Variants in RIMBP2 observed in about 807,000 individuals in gnomAD.
The protein encoded by RIMBP2 is RIMS-binding protein 2.
Under a neutral mutation model 118.6 loss-of-function variants are expected in RIMBP2, and 48 were observed. The ratio of observed to expected loss-of-function variants is 0.40; its 90% CI spans 0.32 to 0.51. The LOEUF (loss-of-function observed/expected upper bound fraction) is 0.51, where lower values mean the gene tolerates loss of function less well. RIMBP2 is among the 20% of genes least tolerant of loss of function. RIMBP2 has a pLI of 0.41. For missense variants in RIMBP2, 1,551 were observed against 1,768.3 expected (o/e 0.88, Z 2.20); for synonymous variants, 762 against 742.9 (o/e 1.03, Z -0.42).
chr12:130,616,380 T>C (rs2060935727), intron 2 of RIMBP2, among the ~76,000 whole-genome samples: 1 of 152,040 alleles, frequency 6.6e-6, no homozygotes, highest in African/African-American at 2.4e-5. Flanking sequence ...CCTCCTCTCA[T>C]CTTCTCTGAC....
chr12:130,471,172 C>A (rs1042056555), intron 5 of RIMBP2, among the ~76,000 whole-genome samples: 1 of 152,252 alleles, frequency 6.6e-6, no homozygotes, highest in Non-Finnish European at 1.5e-5. Flanking sequence ...CCTGAGCATG[C>A]AACAGGCCTT....
chr12:130,669,750 T>C (rs1364699972), intron 1 of RIMBP2, among the ~76,000 whole-genome samples: 2 of 152,164 alleles, frequency 1.3e-5, no homozygotes, highest in Non-Finnish European at 2.9e-5. Flanking sequence ...GCAGGAGCTC[T>C]TTCCTAGTGC....
intron 14 of RIMBP2, chr12:130,430,125 C>G (rs144896478): frequency 6.6e-6 from 1 of 152,406 alleles, no homozygotes; most frequent in East Asian, 1.9e-4. Context: ...AGTGAGATGT[C>G]TAGTGACTGG....
rs2074077467 is a variant in RIMBP2 at position 130,396,376 on chromosome 12, A to G, written c.*985T>C. 6.5e-6 allele frequency: 1 copy of G among 152,690 alleles called. No individual in the cohort carries two copies. The highest frequency in any genetic ancestry group is 1.5e-5 in the Non-Finnish European group (1 of 68,048). The allele number at this position is 152,690 out of a possible 1,614,324, so 9.5% of individuals were successfully genotyped here. On this transcript the variant is annotated 3_prime_UTR_variant, in exon 23 of 23. Coordinates refer to ENST00000690449, the MANE Select transcript of RIMBP2 (RefSeq NM_001393629.1). ...TGAAAAGTATGTATAAAGAGTAAAA[A>G]CAATTTACAAGTGGACAAGAATTAC...
In RIMBP2 at chr12:130,437,087, T is replaced by C; in HGVS notation, c.1861A>G (p.Ser621Gly). 6.3e-7 allele frequency: 1 copy of C among 1,576,900 alleles called. No individual in the cohort carries two copies. The highest frequency in any genetic ancestry group is 8.6e-7 in the Non-Finnish European group (1 of 1,159,684). ...RPAPQSKPLA[S>G]SGVPETKDEH... ...TCTTTGGTTTCGGGGACTCCAGAACTTGCTAATGGCTTTGATTGGGGTGCA... is the reference window on the plus strand; with the variant it reads ...TCTTTGGTTTCGGGGACTCCAGAACCTGCTAATGGCTTTGATTGGGGTGCA... Residue 621 changes from serine to glycine, a missense_variant, in exon 13 of 23, where the codon AGT becomes GGT. By Grantham distance (56) the Ser-to-Gly change is moderately conservative (BLOSUM62 0). Transcript: ENST00000690449.
rs1272034982 is a variant in RIMBP2 at position 130,469,417 on chromosome 12, A to T, written c.153+1276T>A. ...TCAATGGGCTCCGGGGCAACTGGGG[A>T]GAGGCAACTACCTTTTCTGCCAGGA... On this transcript the variant is annotated intron_variant, in intron 6 of 22. Transcript: ENST00000690449. This position sits in a 1 kb window ranked among gnomAD's most constrained non-coding sequence, Gnocchi z 4.8. Among the ~76,000 whole-genome samples, 1 of 152,172 alleles carries T rather than the reference A, an allele frequency of 6.6e-6. No homozygotes were observed. Among genetic ancestry groups the T allele is most frequent in the Admixed American group, 6.5e-5 (1 of 15,276 alleles).
intron 1 of RIMBP2, among the ~76,000 whole-genome samples, chr12:130,633,112 G>A (rs2062106705): frequency 1.3e-5 from 2 of 152,206 alleles, no homozygotes; most frequent in South Asian, 2.1e-4. Context: ...CAGGTCTTAA[G>A]CCAGAGTCAG....
rs7484908 is a variant in RIMBP2, at chr12:130,664,423, A to G, written c.-351-35967T>C. Among the ~76,000 whole-genome samples, 78 of 88,974 alleles carry G rather than the reference A, an allele frequency of 8.8e-4. 4 individuals are homozygous for G. Among genetic ancestry groups the G allele is most frequent in the South Asian group, 8.4e-3 (23 of 2,730 alleles). The allele number at this position is 88,974 out of a possible 152,430, so 58.4% of individuals were successfully genotyped here. A position where few individuals can be genotyped will look rare whatever the true frequency, so the allele number is the denominator to read the frequency against. On this transcript the variant is annotated intron_variant, in intron 1 of 22. Transcript: ENST00000690449. Reference sequence around the variant, plus strand: ...CGCACGCACGCACGCACACACACGCACACACATGCATGCACGCACACACGC... The same window carrying G: ...CGCACGCACGCACGCACACACACGCGCACACATGCATGCACGCACACACGC...
intron 19 of RIMBP2, among the ~76,000 whole-genome samples, chr12:130,409,755 T>C (rs958877856): frequency 6.6e-6 from 1 of 152,182 alleles, no homozygotes; most frequent in Non-Finnish European, 1.5e-5. Context: ...TAGGCCCCAT[T>C]GTGTGGGGCG....
chr12:130,556,656 A>G lies in RIMBP2; in HGVS notation c.-216-38739T>C, dbSNP rs557415943. Among the ~76,000 whole-genome samples, 24 of 152,338 alleles carry G rather than the reference A, an allele frequency of 1.6e-4. No homozygotes were observed. In the East Asian group the frequency reaches 1.9e-3, roughly 12 times the overall value. On this transcript the variant is annotated intron_variant, in intron 2 of 22. Transcript: ENST00000690449. ...GTGCAGCTGCTGGAAACACCCCACCAGGAAGGAATGGAGACGGGGGAGGCT... is the reference window on the plus strand; with the variant it reads ...GTGCAGCTGCTGGAAACACCCCACCGGGAAGGAATGGAGACGGGGGAGGCT...
At position 130,511,326 on chromosome 12, in the gene RIMBP2, G is replaced by A. The variant is rs7295861; in HGVS notation, c.-126-4556C>T. On this transcript the variant is annotated intron_variant, in intron 3 of 22. Transcript: ENST00000690449. The surrounding 1 kb of genome is among the most constrained non-coding windows in gnomAD (Gnocchi z 4.3). ...GAAGACCTCCAGAGCGGTGAGACAC[G>A]GTGGTGTGTGTGCTTGTAGGAATTT... 0.1 allele frequency among the ~76,000 whole-genome samples: 15,627 copies of A among 152,222 alleles called. 1,202 individuals are homozygous for A. The highest frequency in any genetic ancestry group is 0.2 in the African/African-American group (8,414 of 41,528).
In RIMBP2 at chr12:130,511,870, C is replaced by T. The variant is rs2050947499; in HGVS notation, c.-126-5100G>A. ...CACACGTCTCTGCTGGACAGGAGCCCCTGGGCCCTGGCTCCTTCTCCAGGC... is the reference window on the plus strand; with the variant it reads ...CACACGTCTCTGCTGGACAGGAGCCTCTGGGCCCTGGCTCCTTCTCCAGGC... On this transcript the variant is annotated intron_variant, in intron 3 of 22. Coordinates refer to ENST00000690449, the MANE Select transcript of RIMBP2 (RefSeq NM_001393629.1). This position sits in a 1 kb window ranked among gnomAD's most constrained non-coding sequence, Gnocchi z 4.3. 6.6e-6 allele frequency among the ~76,000 whole-genome samples: 1 copy of T among 152,094 alleles called. No individual in the cohort carries two copies. The highest frequency in any genetic ancestry group is 2.4e-5 in the African/African-American group (1 of 41,440).
chr12:130,665,022 C>T lies in RIMBP2; in HGVS notation c.-351-36566G>A, dbSNP rs149425892. On this transcript the variant is annotated intron_variant, in intron 1 of 22. Transcript: ENST00000690449. ...CAGGTGTGAGCAGCATGCTGGAGTC[C>T]GACGAGGAACCAGAGTCTCCACTCA... is the stretch of plus-strand genomic sequence containing the variant. Among the ~76,000 whole-genome samples, 12 of 151,642 alleles carry T rather than the reference C, an allele frequency of 7.9e-5. No individual in the cohort carries two copies. The East Asian group carries it at 9.7e-4, about 12-fold the overall frequency.
At chr12:130,440,142 C>G (rs2077996884) in intron 11 of RIMBP2, among the ~76,000 whole-genome samples, 1 of 118,556 alleles carries the variant, frequency 8.4e-6, no homozygotes, top group South Asian at 3.5e-4. Context: ...ACCACCGTCC[C>G]CGGGCATGGC....
chr12:130,424,052 G>A lies in RIMBP2; in HGVS notation c.3129+90C>T, dbSNP rs1376744418. 3.0e-6 allele frequency: 2 copies of A among 668,014 alleles called. No individual in the cohort carries two copies. The highest frequency in any genetic ancestry group is 4.2e-6 in the Non-Finnish European group (2 of 472,792). The allele number at this position is 668,014 out of a possible 1,614,324, so 41.4% of individuals were successfully genotyped here. A position where few individuals can be genotyped will look rare whatever the true frequency, so the allele number is the denominator to read the frequency against. Reference sequence around the variant, plus strand: ...GACAGCCAGCAAGAGAGTCCCCAGGGATGGACACCAGAACAAACAGAAAAC... The same window carrying A: ...GACAGCCAGCAAGAGAGTCCCCAGGAATGGACACCAGAACAAACAGAAAAC... On this transcript the variant is annotated intron_variant, in intron 16 of 22. Coordinates refer to ENST00000690449, the MANE Select transcript of RIMBP2 (RefSeq NM_001393629.1). The surrounding 1 kb of genome is among the most constrained non-coding windows in gnomAD (Gnocchi z 9.8).
intron 5 of RIMBP2, among the ~76,000 whole-genome samples, chr12:130,474,264 G>A (rs2081252236): frequency 6.6e-6 from 1 of 152,164 alleles, no homozygotes; most frequent in African/African-American, 2.4e-5. Flanking sequence ...CACGAGGGCT[G>A]ACTATTCATT....
chr12:130,522,366 A>G (rs1219011919), intron 2 of RIMBP2, among the ~76,000 whole-genome samples: 1 of 152,200 alleles, frequency 6.6e-6, no homozygotes, highest in African/African-American at 2.4e-5. Context: ...TTCGGGGAAC[A>G]TGGCAACCGG....
chr12:130,438,335 A>ATTG, intron 12 of RIMBP2, 30 bp downstream of exon 12: 1 of 865,014 alleles, frequency 1.2e-6, no homozygotes, highest in Non-Finnish European at 1.9e-6. Context: ...GGCCTAACAA[A>ATTG]CCCTCCCCAC....
At chr12:130,624,045 G>C (rs555772741) in intron 2 of RIMBP2, among the ~76,000 whole-genome samples, 3 of 152,186 alleles carry the variant, frequency 2.0e-5, no homozygotes, top group African/African-American at 7.2e-5. Flanking sequence ...TCTTGGGCTT[G>C]CTCTAGGAGA....
Sources: allele counts gnomAD v4.1 joint callset (sites outside exome capture counted in the v4.1 genomes callset), GRCh38; gene constraint gnomAD v4.1.1; non-coding constraint Gnocchi (gnomAD v3.1); transcripts MANE v1.5; gene names NCBI Gene and HGNC (gene_info 2026-07-23, HGNC 2026-07-21).